Variants in SPATA31E1 observed in about 807,000 individuals in gnomAD.
The protein encoded by SPATA31E1 is spermatogenesis-associated protein 31E1.
Under a neutral mutation model 12.9 loss-of-function variants are expected in SPATA31E1, and 7 were observed. The observed-to-expected ratio is 0.54, with a 90% CI of 0.31 to 1.02. SPATA31E1 has a LOEUF of 1.02. Among genes scored for constraint, SPATA31E1 ranks in the 50% least tolerant of loss-of-function variants. SPATA31E1 has a pLI of 0.05. For synonymous variants in SPATA31E1, 771 were observed against 719.0 expected (o/e 1.07, Z -1.16); for missense variants, 1,961 against 1,799.8 (o/e 1.09, Z -1.62).
chr9:87,885,111 C>A lies in SPATA31E1; in HGVS notation c.624C>A (p.Thr208=). The change falls in exon 4 of 4, where the codon ACC becomes ACA. Residue 208 remains threonine (T), a synonymous_variant. Coordinates refer to ENST00000325643, the MANE Select transcript of SPATA31E1 (RefSeq NM_178828.5). The part of the protein sequence containing the change: ...LASTLSPGPM[T]FSEPFGPHST... Reference sequence around the variant, plus strand: ...CCACCCTGTCACCAGGCCCGATGACCTTCTCAGAGCCTTTTGGACCACACT... The same window carrying A: ...CCACCCTGTCACCAGGCCCGATGACATTCTCAGAGCCTTTTGGACCACACT... 1.2e-6 allele frequency: 2 copies of A among 1,614,194 alleles called. No individual in the cohort carries two copies. The highest frequency in any genetic ancestry group is 1.7e-6 in the Non-Finnish European group (2 of 1,180,024).
intron 2 of SPATA31E1, 30 bp from the exon 3 acceptor site, chr9:87,884,561 T>A (rs772065495): frequency 6.2e-7 from 1 of 1,613,912 alleles, no homozygotes; most frequent in South Asian, 1.1e-5. Context: ...CACCGCCCTC[T>A]CCACCATAAC....
chr9:87,885,581 T>C lies in SPATA31E1; in HGVS notation c.1094T>C (p.Leu365Pro), dbSNP rs1828253385. The C allele has an allele frequency of 6.2e-7, 1 of 1,614,144 alleles. No individual in the cohort carries two copies. Among genetic ancestry groups the C allele is most frequent in the Admixed American group, 1.7e-5 (1 of 60,028 alleles). ...TFIHPDVQKL[L>P]ETLIAKRALM... ...ATCCACCCTGACGTGCAGAAGCTGCTGGAGACCCTCATCGCCAAGAGAGCA... is the reference window on the plus strand; with the variant it reads ...ATCCACCCTGACGTGCAGAAGCTGCCGGAGACCCTCATCGCCAAGAGAGCA... The change falls in exon 4 of 4, where the codon CTG becomes CCG. Residue 365 changes from leucine to proline, a missense_variant. By Grantham distance (98) the Leu-to-Pro change is moderately conservative. Transcript: ENST00000325643.
chr9:87,887,760 C>T lies in SPATA31E1; in HGVS notation c.3273C>T (p.His1091=), dbSNP rs755994337. Residue 1091 remains histidine (H), a synonymous_variant, in exon 4 of 4, where the codon CAC becomes CAT. Transcript: ENST00000325643. ...VCVAQDPEQL[H]LKAQVVSEIA... ...TTGCTCAGGATCCAGAGCAGCTGCA[C>T]CTGAAAGCGCAGGTGGTCAGTGAGA... The T allele has an allele frequency of 1.2e-5, 20 of 1,613,872 alleles. No homozygotes were observed. The Admixed American group carries it at 2.3e-4, about 19-fold the overall frequency.
In SPATA31E1 at chr9:87,886,984, C is replaced by T. The variant is rs1200533564; in HGVS notation, c.2497C>T (p.Gln833Ter). The change falls in exon 4 of 4, where the codon CAG becomes TAG. Residue 833 changes from glutamine to a stop codon, truncating the protein, a stop_gained. Coordinates refer to ENST00000325643, the MANE Select transcript of SPATA31E1 (RefSeq NM_178828.5). LOFTEE classifies it low-confidence loss of function (END_TRUNC). Reference sequence around the variant, plus strand: ...TTCCTTCCTCCATCCCTGCACCCAGCAGATACTGGAAGTACATCTTGTAAG... The same window carrying T: ...TTCCTTCCTCCATCCCTGCACCCAGTAGATACTGGAAGTACATCTTGTAAG... ...ELSFLHPCTQQILEVHLVRFC... is the reference protein window; with the variant it reads ...ELSFLHPCTQ The T allele has an allele frequency of 1.2e-6, 2 of 1,614,018 alleles. No homozygotes were observed. Among genetic ancestry groups the T allele is most frequent in the Non-Finnish European group, 1.7e-6 (2 of 1,180,044 alleles).
At position 87,886,005 on chromosome 9, in the gene SPATA31E1, C is replaced by A; in HGVS notation, c.1518C>A (p.Phe506Leu). ...ACCACATGGCCCAGCCCCAACATTT[C>A]ACTCCAGCCTGGCCCCAGTCCCAGC... is the stretch of plus-strand genomic sequence containing the variant. ...QPHHMAQPQH[F>L]TPAWPQSQPP... Residue 506 changes from phenylalanine to leucine, a missense_variant, in exon 4 of 4, where the codon TTC (phenylalanine) becomes TTA (leucine). By Grantham distance (22) the Phe-to-Leu change is conservative (BLOSUM62 0). Transcript: ENST00000325643. 6.2e-7 allele frequency: 1 copy of A among 1,612,922 alleles called. No homozygotes were observed. The highest frequency in any genetic ancestry group is 8.5e-7 in the Non-Finnish European group (1 of 1,179,608).
Position 87,884,010 on chromosome 9 carries a change from G to T in SPATA31E1, c.328G>T (p.Gly110Trp). ...SSREPQRERS[G>W]RSRSRKISAL... ...CTCTCAGCCTCAAAGGGAGAGAAGCGGGAGGTCCAGGAGCAGGAAGATCTC... is the reference window on the plus strand; with the variant it reads ...CTCTCAGCCTCAAAGGGAGAGAAGCTGGAGGTCCAGGAGCAGGAAGATCTC... Residue 110 changes from glycine to tryptophan, a missense_variant, in exon 2 of 4, where the codon GGG (glycine) becomes TGG (tryptophan). Gly to Trp is a radical substitution (Grantham distance 184). Transcript: ENST00000325643. The T allele has an allele frequency of 6.2e-7, 1 of 1,607,328 alleles. No homozygotes were observed. The highest frequency in any genetic ancestry group is 2.2e-5 in the East Asian group (1 of 44,686).
Position 87,887,464 on chromosome 9 carries a change from G to A in SPATA31E1, c.2977G>A (p.Glu993Lys), listed in dbSNP as rs1452823879. The change falls in exon 4 of 4, where the codon GAA (glutamate) becomes AAA (lysine). Residue 993 changes from glutamate (E) to lysine (K), a missense_variant. Coordinates refer to ENST00000325643, the MANE Select transcript of SPATA31E1 (RefSeq NM_178828.5). ...KPRLEGSMGS[E>K]MAGNEAWLES... The stretch of plus-strand genomic sequence containing the variant: ...CAGACTAGAGGGGAGTATGGGTTCA[G>A]AAATGGCTGGGAACGAGGCATGGCT... 1 of 1,613,946 alleles carries A rather than the reference G, an allele frequency of 6.2e-7. No homozygotes were observed. Among genetic ancestry groups the A allele is most frequent in the African/African-American group, 1.3e-5 (1 of 75,076 alleles).
Position 87,882,991 on chromosome 9 carries a change from A to G in SPATA31E1, c.100A>G (p.Thr34Ala), listed in dbSNP as rs1037688159. 1 of 1,612,570 alleles carries G rather than the reference A, an allele frequency of 6.2e-7. No homozygotes were observed. Among genetic ancestry groups the G allele is most frequent in the African/African-American group, 1.3e-5 (1 of 74,582 alleles). The change falls in exon 1 of 4, where the codon ACA becomes GCA. Residue 34 changes from threonine (T) to alanine (A), a missense_variant. Coordinates refer to ENST00000325643, the MANE Select transcript of SPATA31E1 (RefSeq NM_178828.5). ...PPAPRPSVECTGDDIALQMEK... is the reference protein window; with the variant it reads ...PPAPRPSVECAGDDIALQMEK... ...AGCTCCCAGACCATCTGTGGAGTGC[A>G]CAGGAGACGACATTGCACTTCAGAT...
rs58721650 is a variant in SPATA31E1 at position 87,882,879 on chromosome 9, T to A, written c.-13T>A. 4 of 1,607,564 alleles carry A rather than the reference T, an allele frequency of 2.5e-6. No individual in the cohort carries two copies. The highest frequency in any genetic ancestry group is 3.4e-6 in the Non-Finnish European group (4 of 1,176,106). ...CCCAAAGGGGATGCCCAGAGCTCAGTTGCTTGAAGGCGATGGGAAATCTCG... is the reference window on the plus strand; with the variant it reads ...CCCAAAGGGGATGCCCAGAGCTCAGATGCTTGAAGGCGATGGGAAATCTCG... On this transcript the variant is annotated 5_prime_UTR_variant, in exon 1 of 4. It adds an upstream start codon to the 5' untranslated region. Coordinates refer to ENST00000325643, the MANE Select transcript of SPATA31E1 (RefSeq NM_178828.5).
chr9:87,883,529 C>T (rs1315192005), intron 1 of SPATA31E1, among the ~76,000 whole-genome samples: 1 of 152,194 alleles, frequency 6.6e-6, no homozygotes, highest in Non-Finnish European at 1.5e-5. Context: ...GGGGCCCAGC[C>T]TCCTCTGTAT....
rs1488057748 is a variant in SPATA31E1 at position 87,887,222 on chromosome 9, C to G, written c.2735C>G (p.Ser912Ter). 3 of 1,613,958 alleles carry G rather than the reference C, an allele frequency of 1.9e-6. No homozygotes were observed. The highest frequency in any genetic ancestry group is 2.5e-6 in the Non-Finnish European group (3 of 1,180,038). ...GPGDNRTTSKSVPTVSGPLAA... is the reference protein window; with the variant it reads ...GPGDNRTTSK ...GGAGACAACAGAACAACAAGCAAGTCAGTCCCGACCGTGAGTGGCCCTCTC... is the reference window on the plus strand; with the variant it reads ...GGAGACAACAGAACAACAAGCAAGTGAGTCCCGACCGTGAGTGGCCCTCTC... The change falls in exon 4 of 4, where the codon TCA becomes TGA. Residue 912 changes from serine (S) to a stop codon, truncating the protein, a stop_gained. Coordinates refer to ENST00000325643, the MANE Select transcript of SPATA31E1 (RefSeq NM_178828.5). LOFTEE classifies it low-confidence loss of function (END_TRUNC).
Position 87,884,836 on chromosome 9 carries a change from GC to G in SPATA31E1, c.426-73del. On this transcript the variant is annotated intron_variant, in intron 3 of 3. Coordinates refer to ENST00000325643, the MANE Select transcript of SPATA31E1 (RefSeq NM_178828.5). ...AGTTGGGGAGGTGGAGGAACCGGGG[GC>G]CCCAGGTGCCCACCCGTCCCAGCTT... 4 of 1,512,694 alleles carry G rather than the reference GC, an allele frequency of 2.6e-6. 1 individual carries two copies. In the South Asian group the frequency reaches 3.8e-5, roughly 14 times the overall value. The allele number at this position is 1,512,694 out of a possible 1,614,324, so 93.7% of individuals were successfully genotyped here.
rs115488171 is a variant in SPATA31E1, at chr9:87,884,877, C to T, written c.426-36C>T. The T allele has an allele frequency of 7.9e-4, 1,241 of 1,576,076 alleles. 9 individuals carry two copies. In the African/African-American group the frequency reaches 0.015, roughly 19 times the overall value. On this transcript the variant is annotated intron_variant, in intron 3 of 3. Transcript: ENST00000325643. ...CGTCCCAGCTTCCCGGCCCCATCTA[C>T]CCCTGGCTGCAGCTTGTGCCTCTTG...
Position 87,888,044 on chromosome 9 carries a change from C to T in SPATA31E1, c.3557C>T (p.Pro1186Leu). 1 of 1,608,602 alleles carries T rather than the reference C, an allele frequency of 6.2e-7. No individual in the cohort carries two copies. The change falls in exon 4 of 4, where the codon CCA (proline) becomes CTA (leucine). Residue 1186 changes from proline to leucine, a missense_variant. Physicochemically the swap from Pro to Leu is moderately conservative, Grantham distance 98. Transcript: ENST00000325643. ...CCAGGGCAGCAGGAGCCTGGGAGCC[C>T]AAAAGCAAAGGCCCCACAGAAGAGT... ...DSPGQQEPGS[P>L]KAKAPQKSQK...
Position 87,886,470 on chromosome 9 carries a change from A to G in SPATA31E1, c.1983A>G (p.Pro661=). Residue 661 remains proline, a synonymous_variant, in exon 4 of 4, where the codon CCA becomes CCG. Transcript: ENST00000325643. ...TGCTACAGCCTGATGGGGAATTCCC[A>G]GGGAGGCCCCAGAGTCAGGCAGAAG... is the stretch of plus-strand genomic sequence containing the variant. The part of the protein sequence containing the change: ...GDLLQPDGEF[P]GRPQSQAEDT... 1 of 1,613,934 alleles carries G rather than the reference A, an allele frequency of 6.2e-7. No homozygotes were observed. The highest frequency in any genetic ancestry group is 1.7e-5 in the Admixed American group (1 of 60,006).
intron 1 of SPATA31E1, 129 bp downstream of exon 1, chr9:87,883,329 C>T: frequency 7.3e-7 from 1 of 1,369,702 alleles, no homozygotes; most frequent in African/African-American, 1.4e-5. Flanking sequence ...TAGGGAAGGG[C>T]AAGGCAGGCA....
rs530734146 is a variant in SPATA31E1, at chr9:87,888,008, G to T, written c.3521G>T (p.Gly1174Val). 6.2e-7 allele frequency: 1 copy of T among 1,613,374 alleles called. No homozygotes were observed. Residue 1174 changes from glycine to valine, a missense_variant, in exon 4 of 4, where the codon GGA becomes GTA. Gly to Val is a moderately radical substitution (Grantham distance 109). Transcript: ENST00000325643. The part of the protein sequence containing the change: ...SQGPCALLWK[G>V]GDSPGQQEPG... Reference sequence around the variant, plus strand: ...GGGCCATGTGCCCTCCTATGGAAGGGAGGGGACAGTCCAGGGCAGCAGGAG... The same window carrying T: ...GGGCCATGTGCCCTCCTATGGAAGGTAGGGGACAGTCCAGGGCAGCAGGAG...
Position 87,885,311 on chromosome 9 carries a change from T to C in SPATA31E1, c.824T>C (p.Val275Ala). The C allele has an allele frequency of 6.2e-7, 1 of 1,613,728 alleles. No homozygotes were observed. The highest frequency in any genetic ancestry group is 8.5e-7 in the Non-Finnish European group (1 of 1,179,872). Residue 275 changes from valine to alanine, a missense_variant, in exon 4 of 4, where the codon GTC (valine) becomes GCC (alanine). Physicochemically the swap from Val to Ala is moderately conservative, Grantham distance 64. Transcript: ENST00000325643. ...GLQCGSTTCP[V>A]PQSSPLHNQV... The stretch of plus-strand genomic sequence containing the variant: ...CAGTGTGGCTCCACAACATGCCCCG[T>C]CCCCCAGAGCTCCCCTCTACACAAC...
Position 87,885,607 on chromosome 9 carries a change from C to A in SPATA31E1, c.1120C>A (p.Leu374Met). 1 of 1,614,086 alleles carries A rather than the reference C, an allele frequency of 6.2e-7. No homozygotes were observed. Among genetic ancestry groups the A allele is most frequent in the Non-Finnish European group, 8.5e-7 (1 of 1,180,032 alleles). ...GGAGACCCTCATCGCCAAGAGAGCA[C>A]TGATGAAGATGTGGCAGGAGAAAGA... ...LLETLIAKRA[L>M]MKMWQEKERK... Residue 374 changes from leucine to methionine, a missense_variant, in exon 4 of 4, where the codon CTG (leucine) becomes ATG (methionine). Coordinates refer to ENST00000325643, the MANE Select transcript of SPATA31E1 (RefSeq NM_178828.5).
Sources: gnomAD v4.1 joint callset for allele counts (sites outside exome capture counted in the v4.1 genomes callset) on GRCh38, gnomAD v4.1.1 for gene constraint, MANE v1.5 for transcripts, NCBI Gene and HGNC (gene_info 2026-07-23, HGNC 2026-07-21) for gene names.